The following STON2 variants were observed in gnomAD, a reference collection of about 807,000 sequenced individuals.
The protein encoded by STON2 is stonin-2.
In STON2, 29 loss-of-function variants were observed where a neutral mutation model predicts 65.7. That is an observed-to-expected ratio of 0.44 (90% CI 0.33 to 0.60). The LOEUF (loss-of-function observed/expected upper bound fraction) is 0.60, where lower values mean the gene tolerates loss of function less well. STON2 is among the 20% of genes least tolerant of loss of function. The pLI, the probability that STON2 is intolerant of heterozygous loss-of-function variation, is 0.03. For missense variants in STON2, 1,054 were observed against 1,118.1 expected (o/e 0.94, Z 0.82); for synonymous variants, 404 against 414.2 (o/e 0.98, Z 0.30).
intron 5 of STON2, among the ~76,000 whole-genome samples, chr14:81,284,807 T>C (rs1484721945): frequency 6.6e-6 from 1 of 152,212 alleles, no homozygotes; most frequent in Non-Finnish European, 1.5e-5. Flanking sequence ...GTGGCCAATG[T>C]GGCTGGTGAC....
At chr14:81,424,957 C>T (rs1901894362) in intron 2 of STON2, among the ~76,000 whole-genome samples, 1 of 152,200 alleles carries the variant, frequency 6.6e-6, no homozygotes, top group Non-Finnish European at 1.5e-5. Context: ...TTTAGAAACA[C>T]ACCACACTGT....
chr14:81,435,253 T>C (rs1033684794), intron 1 of STON2, among the ~76,000 whole-genome samples: 1 of 152,184 alleles, frequency 6.6e-6, no homozygotes, highest in African/African-American at 2.4e-5. Context: ...ATCGGTCTCA[T>C]TAATAATAGC....
chr14:81,355,166 C>G (rs561259069), intron 4 of STON2, among the ~76,000 whole-genome samples: 1 of 152,088 alleles, frequency 6.6e-6, no homozygotes, highest in African/African-American at 2.4e-5. Context: ...AGAGACCTAA[C>G]CTTCACACAA....
rs114832943 is a variant in STON2 at position 81,351,887 on chromosome 14, T to C, written c.571+19101A>G. 5.8e-3 allele frequency among the ~76,000 whole-genome samples: 879 copies of C among 152,336 alleles called. 12 individuals are homozygous for C. The highest frequency in any genetic ancestry group is 0.02 in the African/African-American group (843 of 41,578). On this transcript the variant is annotated intron_variant, in intron 4 of 7. Transcript: ENST00000614646. ...TTAGATCCACAGAGTCTGTGCTTCA[T>C]TGTATAAGCACCAGAGGCGTATAAG... is the stretch of plus-strand genomic sequence containing the variant.
At position 81,273,694 on chromosome 14, in the gene STON2, G is replaced by A. The variant is rs548986709; in HGVS notation, c.2582-2822C>T. Among the ~76,000 whole-genome samples the A allele has an allele frequency of 3.9e-5, 6 of 152,280 alleles. No homozygotes were observed. In the South Asian group the frequency reaches 1.2e-3, roughly 32 times the overall value. On this transcript the variant is annotated intron_variant, in intron 6 of 7. Coordinates refer to ENST00000614646, the MANE Select transcript of STON2 (RefSeq NM_001394390.1). ...TCAAAGGTAGCTGCTTGATCTCTTG[G>A]TGGCTGGGACTGGGACAAGCCTGCT...
chr14:81,274,940 AAAAC>A (rs1388958031), intron 6 of STON2, among the ~76,000 whole-genome samples: 1 of 151,996 alleles, frequency 6.6e-6, no homozygotes, highest in Admixed American at 6.5e-5. Context: ...CAAAAAAACA[AAAAC>A]AAAAAATAGT....
chr14:81,412,318 G>A (rs897235569), intron 2 of STON2, among the ~76,000 whole-genome samples: 5 of 139,788 alleles, frequency 3.6e-5, no homozygotes, highest in African/African-American at 1.5e-4. Context: ...AGAGATGATG[G>A]TGGCCTGAAA....
At chr14:81,331,281 T>A (rs1429299038) in intron 4 of STON2, among the ~76,000 whole-genome samples, 1 of 152,254 alleles carries the variant, frequency 6.6e-6, no homozygotes, top group Non-Finnish European at 1.5e-5. Flanking sequence ...TTTAGCCCCA[T>A]GTGTCTTTGG....
chr14:81,343,737 A>G (rs761686550), intron 4 of STON2, among the ~76,000 whole-genome samples: 1 of 152,218 alleles, frequency 6.6e-6, no homozygotes, highest in Non-Finnish European at 1.5e-5. Context: ...TCATACTCAT[A>G]AAAGCTACTC....
intron 2 of STON2, 55 bp downstream of exon 2, chr14:81,398,240 A>G: frequency 7.7e-7 from 1 of 1,299,534 alleles, no homozygotes; most frequent in Non-Finnish European, 1.1e-6. Context: ...GCCATAACAA[A>G]TAGACATGGT....
chr14:81,286,557 G>A (rs1895341164), intron 5 of STON2, among the ~76,000 whole-genome samples: 2 of 152,212 alleles, frequency 1.3e-5, no homozygotes, highest in African/African-American at 4.8e-5. Context: ...ATAGACTATA[G>A]TATAGTGTAA....
chr14:81,400,438 T>C (rs892702366), upstream of STON2, among the ~76,000 whole-genome samples: 19 of 126,376 alleles, frequency 1.5e-4, no homozygotes, highest in Non-Finnish European at 1.2e-4. Context: ...TCCTCCTCTT[T>C]CAACGACAGC....
Position 81,268,572 on chromosome 14 carries a change from C to T in STON2, c.2785-75G>A, listed in dbSNP as rs1894448272. On this transcript the variant is annotated intron_variant, in intron 7 of 7. Transcript: ENST00000614646. The stretch of plus-strand genomic sequence containing the variant: ...ATGCAAATAAATAAGTAAACCAAAA[C>T]TCCATAGGTACTTTGAAATTTCTTA... The T allele has an allele frequency of 3.1e-6, 4 of 1,278,628 alleles. No individual in the cohort carries two copies. The Admixed American group carries it at 9.9e-5, about 32-fold the overall frequency. 79.2% of individuals were successfully genotyped at this position (1,278,628 alleles called of 1,614,324 possible).
chr14:81,286,901 T>C (rs2140144445), intron 5 of STON2, among the ~76,000 whole-genome samples: 1 of 152,352 alleles, frequency 6.6e-6, no homozygotes, highest in African/African-American at 2.4e-5. Flanking sequence ...TTTTAATTTT[T>C]AGTAACTCTA....
Position 81,370,935 on chromosome 14 carries a change from T to C in STON2, c.571+53A>G, listed in dbSNP as rs373768714. On this transcript the variant is annotated intron_variant, in intron 4 of 7. Coordinates refer to ENST00000614646, the MANE Select transcript of STON2 (RefSeq NM_001394390.1). The stretch of plus-strand genomic sequence containing the variant: ...TTTTAAAAGGACTTTAAAGTGGACC[T>C]GGGTACACCAAAAGTGATTTGCAAA... The C allele has an allele frequency of 2.5e-5, 39 of 1,548,980 alleles. No homozygotes were observed. In the African/African-American group the frequency reaches 3.7e-4, roughly 15 times the overall value.
intron 2 of STON2, among the ~76,000 whole-genome samples, chr14:81,411,951 A>C (rs75205558): frequency 0.049 from 5,120 of 103,938 alleles, 1,402 homozygotes; most frequent in African/African-American, 0.24. Context: ...AGACAAGAAG[A>C]AGCCAACCAC....
chr14:81,387,622 C>T (rs923663501), intron 3 of STON2, among the ~76,000 whole-genome samples: 2 of 151,998 alleles, frequency 1.3e-5, no homozygotes, highest in African/African-American at 4.8e-5. Flanking sequence ...GGCGTGGTGG[C>T]TCACGCCTGT....
At chr14:81,383,784 CCACA>C (rs1899651513) in intron 3 of STON2, among the ~76,000 whole-genome samples, 1 of 152,156 alleles carries the variant, frequency 6.6e-6, no homozygotes, top group Non-Finnish European at 1.5e-5. Flanking sequence ...ACCATAGCTG[CCACA>C]CAGTTTTAAC....
chr14:81,401,979 A>G (rs918209642), upstream of STON2, among the ~76,000 whole-genome samples: 1 of 152,122 alleles, frequency 6.6e-6, no homozygotes, highest in Admixed American at 6.5e-5. Context: ...TGGACAGGGG[A>G]TCACCGCAAG....
Sources: gnomAD v4.1 joint callset for allele counts (sites outside exome capture counted in the v4.1 genomes callset) on GRCh38, gnomAD v4.1.1 for gene constraint, MANE v1.5 for transcripts, NCBI Gene and HGNC (gene_info 2026-07-23, HGNC 2026-07-21) for gene names.